MYO9A: variants seen among roughly 807,000 people sequenced by gnomAD.
MYO9A encodes the protein unconventional myosin-IXa.
MYO9A carries 103 observed loss-of-function variants against 293.3 expected under a neutral mutation model. That is an observed-to-expected ratio of 0.35 (90% CI 0.30 to 0.41). The LOEUF is 0.41. Ranked by LOEUF, MYO9A falls within the 10% of genes least tolerant of loss-of-function variation. The pLI, the probability that MYO9A is intolerant of heterozygous loss-of-function variation, is 1.00. For synonymous variants in MYO9A, 1,001 were observed against 1,035.7 expected, an observed-to-expected ratio of 0.97 and a Z score of 0.64; for missense variants, 2,685 against 3,033.0, an observed-to-expected ratio of 0.89 and a Z score of 2.69.
At chr15:71,916,524 TAAATTA>T (rs771981176) in intron 18 of MYO9A, 32 bp from the exon 19 acceptor site, 1 of 1,583,124 alleles carries the variant, frequency 6.3e-7, no homozygotes, top group Non-Finnish European at 8.5e-7. Context: ...ATTGCTCACA[TAAATTA>T]ATCTAACAAT....
chr15:72,102,276 G>A (rs2150936705), intron 1 of MYO9A, among the ~76,000 whole-genome samples: 1 of 150,612 alleles, frequency 6.6e-6, no homozygotes, highest in East Asian at 1.9e-4. Context: ...TTAAACAGAT[G>A]CTTGAAGGCA....
chr15:71,869,447 C>A (rs542492845), intron 32 of MYO9A, among the ~76,000 whole-genome samples: 53 of 152,108 alleles, frequency 3.5e-4, no homozygotes, highest in African/African-American at 1.2e-3. Flanking sequence ...TTCAACAATG[C>A]CAATGTCACG....
chr15:72,004,736 C>T (rs1307456534), intron 8 of MYO9A, among the ~76,000 whole-genome samples: 1 of 152,166 alleles, frequency 6.6e-6, no homozygotes, highest in Non-Finnish European at 1.5e-5. Context: ...AGCTTGTTCA[C>T]CTTTCAATAA....
intron 1 of MYO9A, among the ~76,000 whole-genome samples, chr15:72,100,276 AG>A (rs2080229619): frequency 6.6e-6 from 1 of 151,952 alleles, no homozygotes; most frequent in African/African-American, 2.4e-5. Flanking sequence ...CAGCACTTTG[AG>A]AGGCCGAGGC....
At position 72,026,009 on chromosome 15, in the gene MYO9A, G is replaced by A. The variant is rs555874305; in HGVS notation, c.998+1722C>T. Among the ~76,000 whole-genome samples the A allele has an allele frequency of 1.7e-4, 26 of 152,078 alleles. 1 individual carries two copies. In the South Asian group the frequency reaches 2.9e-3, roughly 17 times the overall value. On this transcript the variant is annotated intron_variant, in intron 4 of 41. Coordinates refer to ENST00000356056, the MANE Select transcript of MYO9A (RefSeq NM_006901.4). The stretch of plus-strand genomic sequence containing the variant: ...AATCACATTTCCACGGCCAGGCATG[G>A]TGGCTCACGCCTGTAACATTTTGGG...
intron 9 of MYO9A, among the ~76,000 whole-genome samples, chr15:71,997,288 T>TA (rs2076724942): frequency 6.6e-6 from 1 of 152,056 alleles, no homozygotes; most frequent in Non-Finnish European, 1.5e-5. Context: ...GGCACAAAAA[T>TA]AGAGTTTTTA....
At chr15:72,006,387 C>T (rs1340017283) in intron 8 of MYO9A, among the ~76,000 whole-genome samples, 1 of 152,080 alleles carries the variant, frequency 6.6e-6, no homozygotes, top group African/African-American at 2.4e-5. Flanking sequence ...AGGCATGAGC[C>T]GCCAGACATA....
intron 18 of MYO9A, among the ~76,000 whole-genome samples, chr15:71,921,499 C>T (rs1352040436): frequency 6.6e-6 from 1 of 152,168 alleles, no homozygotes; most frequent in South Asian, 2.1e-4. Context: ...TCCATCCCTA[C>T]CTAACTCATC....
intron 7 of MYO9A, among the ~76,000 whole-genome samples, chr15:72,009,908 A>T (rs906978591): frequency 8.5e-5 from 13 of 152,166 alleles, no homozygotes; most frequent in African/African-American, 2.7e-4. Flanking sequence ...ATTTACAATT[A>T]AAAAACTTAA....
chr15:71,898,653 T>C lies in MYO9A; in HGVS notation c.3850A>G (p.Ile1284Val), dbSNP rs764121038. ...SRRMRELEQAIFSLELLKVRS... is the reference protein window; with the variant it reads ...SRRMRELEQAVFSLELLKVRS... ...ACTTTCAGCAATTCTAAGCTAAATA[T>C]AGCTTGCTCTAGTTCTCTCATTCTC... The change falls in exon 25 of 42, where the codon ATA (isoleucine) becomes GTA (valine). Residue 1284 changes from isoleucine to valine, a missense_variant. Ile to Val is a conservative substitution (Grantham distance 29, BLOSUM62 3). This residue lies in a region of MYO9A where 1,434 missense variants were observed against 1,497.7 expected (regional missense o/e 0.96). Transcript: ENST00000356056. 6.2e-6 allele frequency: 10 copies of C among 1,614,078 alleles called. No homozygotes were observed. Among genetic ancestry groups the C allele is most frequent in the Non-Finnish European group, 8.5e-6 (10 of 1,179,990 alleles).
intron 33 of MYO9A, among the ~76,000 whole-genome samples, chr15:71,861,688 A>AAAAAC (rs1555464523): frequency 4.8e-5 from 7 of 145,768 alleles, no homozygotes; most frequent in African/African-American, 1.5e-4. Flanking sequence ...ATAAAAAAAA[A>AAAAAC]AAAAAAAAAA....
At chr15:71,990,615 G>A (rs972256918) in intron 11 of MYO9A, among the ~76,000 whole-genome samples, 2 of 152,056 alleles carry the variant, frequency 1.3e-5, no homozygotes, top group Non-Finnish European at 2.9e-5. Context: ...AATTAGCCGG[G>A]CATGGTGGCG....
At chr15:72,112,881 A>G (rs2080831582) in intron 1 of MYO9A, among the ~76,000 whole-genome samples, 2 of 152,170 alleles carry the variant, frequency 1.3e-5, no homozygotes, top group South Asian at 4.1e-4. Context: ...GTGAAAATTC[A>G]CTGAGCTATA....
intron 1 of MYO9A, 49 bp downstream of exon 1, chr15:72,117,631 G>T: frequency 7.6e-6 from 3 of 394,812 alleles, no homozygotes; most frequent in Middle Eastern, 1.3e-3. Context: ...AGGCTGAGAC[G>T]TGGGCCAGGA....
At chr15:72,000,015 T>A in intron 8 of MYO9A, 75 bp from the exon 9 acceptor site, 1 of 1,205,746 alleles carries the variant, frequency 8.3e-7, no homozygotes, top group Non-Finnish European at 1.2e-6. Flanking sequence ...AAAAGCCAAA[T>A]AGAGGAGGAA....
At chr15:72,070,847 C>A (rs527625535) in intron 1 of MYO9A, among the ~76,000 whole-genome samples, 3 of 152,032 alleles carry the variant, frequency 2.0e-5, no homozygotes, top group Admixed American at 6.6e-5. Flanking sequence ...TACTGGCTAC[C>A]CATATGCAGA....
intron 15 of MYO9A, 169 bp from the exon 16 acceptor site, chr15:71,939,096 T>C: frequency 1.9e-6 from 1 of 520,024 alleles, no homozygotes; most frequent in Non-Finnish European, 3.4e-6. Context: ...TAGATCTTAG[T>C]TAACAATGAA....
At chr15:71,996,926 A>C (rs770289407) in intron 9 of MYO9A, among the ~76,000 whole-genome samples, 3 of 152,048 alleles carry the variant, frequency 2.0e-5, no homozygotes, top group Non-Finnish European at 4.4e-5. Flanking sequence ...CTCCCATATG[A>C]AACTGATGTC....
intron 6 of MYO9A, among the ~76,000 whole-genome samples, chr15:72,015,837 G>A (rs939407884): frequency 1.3e-5 from 2 of 151,786 alleles, no homozygotes; most frequent in East Asian, 1.9e-4. Flanking sequence ...ACAGGCGCCC[G>A]CCACCACATC....
Sources: allele counts gnomAD v4.1 joint callset (sites outside exome capture counted in the v4.1 genomes callset), GRCh38; gene constraint gnomAD v4.1.1; regional missense constraint gnomAD v4.1.1; transcripts MANE v1.5; gene names NCBI Gene and HGNC (gene_info 2026-07-23, HGNC 2026-07-21).